Variants in HMCN1 observed in about 807,000 individuals in gnomAD.
The protein encoded by HMCN1 is hemicentin-1.
A neutral mutation model predicts 625.9 loss-of-function variants in HMCN1; 321 were observed. That is an observed-to-expected ratio of 0.51 (90% CI 0.47 to 0.56). The LOEUF (loss-of-function observed/expected upper bound fraction) is 0.56. HMCN1 is among the 20% of genes least tolerant of loss of function. The pLI is 0.00. For synonymous variants in HMCN1, 2,425 were observed against 2,417.6 expected (o/e 1.00, Z -0.09); for missense variants, 6,588 against 6,887.3 (o/e 0.96, Z 1.54).
At chr1:185,790,782 G>C (rs1464738242) in intron 1 of HMCN1, among the ~76,000 whole-genome samples, 1 of 152,200 alleles carries the variant, frequency 6.6e-6, no homozygotes, top group Non-Finnish European at 1.5e-5. Flanking sequence ...TCTCCAGAGT[G>C]ATACTGCCCT....
intron 44 of HMCN1, among the ~76,000 whole-genome samples, 154 bp from the exon 45 acceptor site, chr1:186,055,239 G>C (rs1043375657): frequency 6.6e-6 from 1 of 152,018 alleles, no homozygotes; most frequent in Non-Finnish European, 1.5e-5. Context: ...CCGCCTCTCA[G>C]CATAACATCA....
chr1:185,743,854 T>G (rs562235099), intron 1 of HMCN1, among the ~76,000 whole-genome samples: 1 of 152,312 alleles, frequency 6.6e-6, no homozygotes, highest in Non-Finnish European at 1.5e-5. Context: ...TTGCTGTAAC[T>G]TATTTGTCTA....
intron 23 of HMCN1, among the ~76,000 whole-genome samples, chr1:185,994,531 T>A (rs911386614): frequency 5.9e-5 from 9 of 152,186 alleles, no homozygotes; most frequent in Non-Finnish European, 1.3e-4. Flanking sequence ...TGCTTTCTGT[T>A]CCTCAAGTTT....
chr1:185,866,290 GACTA>G (rs143936835), intron 4 of HMCN1, among the ~76,000 whole-genome samples: 7,056 of 149,510 alleles, frequency 0.047, 460 homozygotes, highest in East Asian at 0.34. Context: ...AAAAAACTAT[GACTA>G]ACTAGTAACT....
At chr1:185,905,151 A>G (rs1287840029) in intron 4 of HMCN1, among the ~76,000 whole-genome samples, 1 of 151,820 alleles carries the variant, frequency 6.6e-6, no homozygotes, top group African/African-American at 2.4e-5. Flanking sequence ...CTGTGTCACA[A>G]TTGCACATGG....
At position 186,172,060 on chromosome 1, in the gene HMCN1, C is replaced by T. The variant is rs199563247; in HGVS notation, c.15743C>T (p.Thr5248Ile). 48 of 1,613,604 alleles carry T rather than the reference C, an allele frequency of 3.0e-5. No homozygotes were observed. Among genetic ancestry groups the T allele is most frequent in the Non-Finnish European group, 3.8e-5 (45 of 1,179,718 alleles). ...AGACCAGATCAGCACTGTAAGAACA[C>T]CCGTGGTGGCTATAAGTGCATTGAT... ...VCRPDQHCKN[T>I]RGGYKCIDLC... The change falls in exon 102 of 107, where the codon ACC becomes ATC. Residue 5248 changes from threonine (T) to isoleucine (I), a missense_variant. Physicochemically the swap from Thr to Ile is moderately conservative, Grantham distance 89 (BLOSUM62 -1). Around this residue, in one of 3 missense-constraint regions of HMCN1, gnomAD observed 1,954 missense variants for 2,013.1 expected, o/e 0.97. Coordinates refer to ENST00000271588, the MANE Select transcript of HMCN1 (RefSeq NM_031935.3).
chr1:186,021,531 G>C lies in HMCN1; in HGVS notation c.5626-1499G>C, dbSNP rs900534799. On this transcript the variant is annotated intron_variant, in intron 35 of 106. Transcript: ENST00000271588. ...GTAAGATGAAAAAGAAGAGAGGACT[G>C]ACCTAGTTCGATCTTTAAAAATTAT... 3.9e-5 allele frequency among the ~76,000 whole-genome samples: 6 copies of C among 152,156 alleles called. No individual in the cohort carries two copies. In the East Asian group the frequency reaches 1.2e-3, roughly 29 times the overall value.
intron 93 of HMCN1, 106 bp downstream of exon 93, chr1:186,146,029 GAAA>G (rs11358358): frequency 4.3e-5 from 38 of 874,360 alleles, no homozygotes; most frequent in East Asian, 9.0e-5. Context: ...GGTGGAATTA[GAAA>G]AAAAAAAAAA....
At chr1:185,901,241 C>T (rs185589868) in intron 4 of HMCN1, among the ~76,000 whole-genome samples, 7 of 151,840 alleles carry the variant, frequency 4.6e-5, no homozygotes, top group Admixed American at 1.3e-4. Flanking sequence ...TAAATTATTA[C>T]GACCTAGGCC....
chr1:185,953,617 G>C (rs1649398791), intron 11 of HMCN1, among the ~76,000 whole-genome samples: 1 of 151,868 alleles, frequency 6.6e-6, no homozygotes, highest in Non-Finnish European at 1.5e-5. Flanking sequence ...GCCACTTACT[G>C]GATTTGAAAT....
intron 97 of HMCN1, among the ~76,000 whole-genome samples, chr1:186,155,918 T>C (rs1199163381): frequency 6.6e-6 from 1 of 152,206 alleles, no homozygotes; most frequent in Non-Finnish European, 1.5e-5. Flanking sequence ...GAGAGCTTGA[T>C]GAAAGTTCAG....
chr1:186,030,697 G>A (rs568755611), intron 36 of HMCN1, among the ~76,000 whole-genome samples: 30 of 151,926 alleles, frequency 2.0e-4, no homozygotes, highest in African/African-American at 6.3e-4. Context: ...TACTGATGTG[G>A]TAGAGTTTAT....
At chr1:186,123,281 T>C (rs1406870624) in intron 81 of HMCN1, 61 bp downstream of exon 81, 1 of 1,563,476 alleles carries the variant, frequency 6.4e-7, no homozygotes, top group East Asian at 2.3e-5. Flanking sequence ...GAGAAAAGGC[T>C]ACCAAGAGCA....
intron 1 of HMCN1, among the ~76,000 whole-genome samples, chr1:185,740,909 G>A (rs1486515061): frequency 2.0e-5 from 3 of 152,100 alleles, no homozygotes; most frequent in South Asian, 2.1e-4. Context: ...CAGTAGAATC[G>A]CTCGAACCCT....
intron 28 of HMCN1, among the ~76,000 whole-genome samples, chr1:186,003,204 T>C (rs2102073415): frequency 6.6e-6 from 1 of 152,272 alleles, no homozygotes; most frequent in Non-Finnish European, 1.5e-5. Context: ...AGAAGCTCTT[T>C]AATAAGCTTG....
chr1:185,880,403 T>C (rs1284094534), intron 4 of HMCN1, among the ~76,000 whole-genome samples: 1 of 152,272 alleles, frequency 6.6e-6, no homozygotes, highest in East Asian at 1.9e-4. Flanking sequence ...TATAATGTCT[T>C]TTATTTGTCT....
intron 97 of HMCN1, among the ~76,000 whole-genome samples, chr1:186,162,597 G>C (rs906384723): frequency 1.3e-5 from 2 of 151,970 alleles, no homozygotes; most frequent in African/African-American, 4.8e-5. Context: ...TTTTGGTGTG[G>C]GTGTCCTTTC....
intron 1 of HMCN1, among the ~76,000 whole-genome samples, chr1:185,794,359 A>ATG: frequency 6.6e-6 from 1 of 151,460 alleles, no homozygotes; most frequent in Non-Finnish European, 1.5e-5. Context: ...ATATATATAT[A>ATG]TGTGAGTTTA....
chr1:185,842,582 TG>T (rs1039607420), intron 1 of HMCN1, among the ~76,000 whole-genome samples: 3 of 151,250 alleles, frequency 2.0e-5, no homozygotes, highest in African/African-American at 7.3e-5. Context: ...ATAAAAAAAT[TG>T]GCTGGGCATG....
Sources: allele counts gnomAD v4.1 joint callset (sites outside exome capture counted in the v4.1 genomes callset), GRCh38; gene constraint gnomAD v4.1.1; regional missense constraint gnomAD v4.1.1; transcripts MANE v1.5; gene names NCBI Gene and HGNC (gene_info 2026-07-23, HGNC 2026-07-21).